RNF150: variants seen among roughly 807,000 people sequenced by gnomAD.
RNF150 encodes the protein ring finger protein 150.
Under a neutral mutation model 39.3 loss-of-function variants are expected in RNF150, and 24 were observed. The ratio of observed to expected loss-of-function variants is 0.61; its 90% CI spans 0.44 to 0.86. The LOEUF (loss-of-function observed/expected upper bound fraction) is 0.86. Among genes scored for constraint, RNF150 ranks in the 40% least tolerant of loss-of-function variants. RNF150 has a pLI of 0.00. For missense variants in RNF150, 502 were observed against 587.8 expected, an observed-to-expected ratio of 0.85 and a Z score of 1.51; for synonymous variants, 255 against 227.3, an observed-to-expected ratio of 1.12 and a Z score of -1.10.
chr4:141,139,185 C>CA (rs1727076237), intron 1 of RNF150, among the ~76,000 whole-genome samples: 1 of 152,150 alleles, frequency 6.6e-6, no homozygotes, highest in African/African-American at 2.4e-5. Context: ...CGCCACTGTA[C>CA]TCCAGCCTGG....
At chr4:141,098,820 T>A (rs922467231) in intron 1 of RNF150, among the ~76,000 whole-genome samples, 5 of 152,210 alleles carry the variant, frequency 3.3e-5, no homozygotes, top group Non-Finnish European at 7.3e-5. Context: ...AGGACTGGGT[T>A]GACTTGAAAG....
At chr4:141,106,666 C>A (rs1038223168) in intron 1 of RNF150, among the ~76,000 whole-genome samples, 2 of 151,934 alleles carry the variant, frequency 1.3e-5, no homozygotes, top group Non-Finnish European at 2.9e-5. Context: ...TGGTGGTGGG[C>A]GCCTGTAGTC....
intron 5 of RNF150, among the ~76,000 whole-genome samples, chr4:140,917,572 C>T (rs1730890203): frequency 6.6e-6 from 1 of 152,174 alleles, no homozygotes; most frequent in Non-Finnish European, 1.5e-5. Context: ...GAGACTTAGA[C>T]TCCCACACAA....
chr4:140,999,037 C>T (rs1734482858), intron 1 of RNF150, among the ~76,000 whole-genome samples: 1 of 152,180 alleles, frequency 6.6e-6, no homozygotes, highest in African/African-American at 2.4e-5. Flanking sequence ...CAGAATCTTC[C>T]TCACACTCTG....
chr4:141,096,790 G>C, intron 1 of RNF150, among the ~76,000 whole-genome samples: 1 of 152,200 alleles, frequency 6.6e-6, no homozygotes. Flanking sequence ...ACACAGACAA[G>C]GGACCTCAAA....
At chr4:140,962,211 T>C (rs1482876019) in intron 2 of RNF150, among the ~76,000 whole-genome samples, 1 of 151,914 alleles carries the variant, frequency 6.6e-6, no homozygotes, top group Non-Finnish European at 1.5e-5. Context: ...AAGAAGAGTT[T>C]GCAAACTTTT....
intron 1 of RNF150, among the ~76,000 whole-genome samples, chr4:141,053,356 T>C (rs1736851104): frequency 6.6e-6 from 1 of 152,074 alleles, no homozygotes; most frequent in African/African-American, 2.4e-5. Context: ...CCCAAGGACA[T>C]GTACCAAAAT....
intron 6 of RNF150, among the ~76,000 whole-genome samples, chr4:140,901,317 C>CATA (rs1730178870): frequency 6.6e-6 from 1 of 151,386 alleles, no homozygotes; most frequent in Non-Finnish European, 1.5e-5. Context: ...AATAATAAAT[C>CATA]AGTCCATTTC....
intron 1 of RNF150, among the ~76,000 whole-genome samples, chr4:141,146,393 C>G (rs1282421965): frequency 6.6e-6 from 1 of 152,150 alleles, no homozygotes; most frequent in African/African-American, 2.4e-5. Context: ...AAGAAACATT[C>G]ACTACGTCAT....
chr4:141,025,925 C>T (rs1436840004), intron 1 of RNF150, among the ~76,000 whole-genome samples: 1 of 152,124 alleles, frequency 6.6e-6, no homozygotes, highest in Admixed American at 6.5e-5. Flanking sequence ...GGCCTTTCAA[C>T]AATGATTAGG....
chr4:141,016,524 G>A (rs190834389), intron 1 of RNF150, among the ~76,000 whole-genome samples: 1 of 152,364 alleles, frequency 6.6e-6, no homozygotes, highest in Non-Finnish European at 1.5e-5. Flanking sequence ...CCGCTCTGCG[G>A]GAGCAGTCAC....
chr4:140,908,039 A>G (rs1730456546), intron 6 of RNF150, among the ~76,000 whole-genome samples: 1 of 152,014 alleles, frequency 6.6e-6, no homozygotes, highest in Non-Finnish European at 1.5e-5. Flanking sequence ...GTCATGTCCA[A>G]CCTCCACTGG....
intron 5 of RNF150, among the ~76,000 whole-genome samples, chr4:140,917,296 T>C (rs906765951): frequency 7.2e-5 from 11 of 152,106 alleles, no homozygotes; most frequent in Non-Finnish European, 1.6e-4. Flanking sequence ...AGGAAACCCA[T>C]TTCATGTGCA....
At chr4:141,016,525 G>A (rs1244377065) in intron 1 of RNF150, among the ~76,000 whole-genome samples, 1 of 152,244 alleles carries the variant, frequency 6.6e-6, no homozygotes, top group Non-Finnish European at 1.5e-5. Flanking sequence ...CGCTCTGCGG[G>A]AGCAGTCACA....
chr4:141,036,027 C>A (rs1736129882), intron 1 of RNF150, among the ~76,000 whole-genome samples: 1 of 152,062 alleles, frequency 6.6e-6, no homozygotes, highest in South Asian at 2.1e-4. Context: ...GGATTGAGAA[C>A]CACAGTGGAA....
intron 1 of RNF150, among the ~76,000 whole-genome samples, chr4:141,001,863 G>T (rs1734677999): frequency 6.6e-6 from 1 of 152,104 alleles, no homozygotes; most frequent in Admixed American, 6.5e-5. Flanking sequence ...AATCCATTCA[G>T]ATTTTGTTAA....
At chr4:141,177,472 TTCTTTC>T (rs2111182319) in intron 1 of RNF150, among the ~76,000 whole-genome samples, 1 of 18,250 alleles carries the variant, frequency 5.5e-5, no homozygotes, top group African/African-American at 9.5e-5. Flanking sequence ...GCATTATTGA[TTCTTTC>T]TCTCTCTCTC....
At chr4:141,014,561 A>C (rs911271292) in intron 1 of RNF150, among the ~76,000 whole-genome samples, 1 of 152,198 alleles carries the variant, frequency 6.6e-6, no homozygotes, top group Non-Finnish European at 1.5e-5. Flanking sequence ...ACCTCATTGC[A>C]GTTTTAATTT....
rs956140480 is a variant in RNF150, at chr4:140,861,420, G to A, written c.*6841C>T. 17 of 152,194 alleles carry A rather than the reference G, an allele frequency of 1.1e-4. No individual in the cohort carries two copies. The highest frequency in any genetic ancestry group is 1.8e-4 in the Non-Finnish European group (12 of 68,034). The allele number at this position is 152,194 out of a possible 1,614,324, so 9.4% of individuals were successfully genotyped here. A position where few individuals can be genotyped will look rare whatever the true frequency, so the allele number is the denominator to read the frequency against. ...AGTTTGTGACACTCTTTCCTCATTT[G>A]ATAAATGTAGACCAAATTCTCAACT... On this transcript the variant is annotated 3_prime_UTR_variant, in exon 7 of 7. Transcript: ENST00000515673.
Sources: gnomAD v4.1 joint callset for allele counts (sites outside exome capture counted in the v4.1 genomes callset) on GRCh38, gnomAD v4.1.1 for gene constraint, MANE v1.5 for transcripts, NCBI Gene and HGNC (gene_info 2026-07-23, HGNC 2026-07-21) for gene names.